ABI3BP: variants seen among roughly 807,000 people sequenced by gnomAD.
ABI3BP encodes the protein target of Nesh-SH3.
Under a neutral mutation model 268.6 loss-of-function variants are expected in ABI3BP, and 216 were observed. That is an observed-to-expected ratio of 0.80 (90% CI 0.72 to 0.90). The LOEUF (loss-of-function observed/expected upper bound fraction) is 0.90, where lower values mean the gene tolerates loss of function less well. Ranked by LOEUF, ABI3BP falls within the 40% of genes least tolerant of loss-of-function variation. ABI3BP has a pLI of 0.00. For synonymous variants in ABI3BP, 730 were observed against 730.0 expected, an observed-to-expected ratio of 1.00 and a Z score of 0.00; for missense variants, 2,090 against 2,182.4, an observed-to-expected ratio of 0.96 and a Z score of 0.84.
chr3:100,812,768 C>G (rs375854035), intron 45 of ABI3BP, among the ~76,000 whole-genome samples: 1 of 152,044 alleles, frequency 6.6e-6, no homozygotes, highest in East Asian at 1.9e-4. Context: ...AAAAGATACT[C>G]ATAAGAGATG....
intron 2 of ABI3BP, among the ~76,000 whole-genome samples, chr3:100,907,530 A>G (rs2053995935): frequency 6.6e-6 from 1 of 152,126 alleles, no homozygotes; most frequent in Admixed American, 6.5e-5. Flanking sequence ...CAACACAAGA[A>G]GTATGAATTA....
At chr3:100,988,752 T>G (rs983982603) in intron 1 of ABI3BP, among the ~76,000 whole-genome samples, 1 of 152,216 alleles carries the variant, frequency 6.6e-6, no homozygotes, top group South Asian at 2.1e-4. Context: ...CCAAGCTTTG[T>G]CTCCCCAGCC....
At chr3:100,912,046 T>G (rs1373345773) in intron 2 of ABI3BP, 42 of 746,290 alleles carry the variant, frequency 5.6e-5, no homozygotes, top group Non-Finnish European at 9.4e-5. Flanking sequence ...CATTTGGGAA[T>G]CAGTAATGCT....
intron 1 of ABI3BP, among the ~76,000 whole-genome samples, chr3:100,934,600 CA>C (rs1399273927): frequency 2.6e-5 from 4 of 152,198 alleles, no homozygotes. Flanking sequence ...CTCCCACCAA[CA>C]GTGTAAAAGT....
chr3:100,814,210 T>C (rs557596964), intron 44 of ABI3BP, among the ~76,000 whole-genome samples: 8 of 152,236 alleles, frequency 5.3e-5, no homozygotes, highest in African/African-American at 1.9e-4. Context: ...ATTCAAAATG[T>C]CCTTCTGAAA....
intron 8 of ABI3BP, 68 bp downstream of exon 8, chr3:100,875,440 G>A: frequency 5.7e-6 from 7 of 1,230,350 alleles, no homozygotes; most frequent in Non-Finnish European, 8.4e-6. Flanking sequence ...CAAAACTCCA[G>A]AAAAGCCCTA....
intron 34 of ABI3BP, among the ~76,000 whole-genome samples, chr3:100,826,143 C>T (rs1304271845): frequency 6.6e-6 from 1 of 152,148 alleles, no homozygotes; most frequent in Non-Finnish European, 1.5e-5. Flanking sequence ...ACATGAGCTG[C>T]ACACACAGAG....
intron 62 of ABI3BP, among the ~76,000 whole-genome samples, chr3:100,769,657 AT>A (rs1024210475): frequency 6.6e-6 from 1 of 152,196 alleles, no homozygotes; most frequent in Non-Finnish European, 1.5e-5. Context: ...AGTTTTAGAC[AT>A]TTTAATGGAT....
intron 33 of ABI3BP, among the ~76,000 whole-genome samples, chr3:100,829,295 C>A (rs911694287): frequency 6.6e-6 from 1 of 152,162 alleles, no homozygotes; most frequent in African/African-American, 2.4e-5. Context: ...CTATAGTTAA[C>A]AAGAAATAAT....
In ABI3BP at chr3:100,822,581, T is replaced by C. The variant is rs1195443718; in HGVS notation, c.2887+8A>G. On this transcript the variant is annotated splice_region_variant and intron_variant, in intron 38 of 67. Transcript: ENST00000471714. ...AGGGACTCTTTAAACCAGGAACACATAGTTTACCTGGTTTGGATTCAGGTG... is the reference window on the plus strand; with the variant it reads ...AGGGACTCTTTAAACCAGGAACACACAGTTTACCTGGTTTGGATTCAGGTG... The C allele has an allele frequency of 7.8e-6, 12 of 1,535,176 alleles. No individual in the cohort carries two copies. The Admixed American group carries it at 1.6e-4, about 20-fold the overall frequency.
At chr3:100,834,888 G>T in intron 28 of ABI3BP, 115 bp from the exon 29 acceptor site, 1 of 988,902 alleles carries the variant, frequency 1.0e-6, no homozygotes. Context: ...TTGTCTCTTT[G>T]GTTTAGAATT....
rs1314631138 is a variant in ABI3BP at position 100,765,891 on chromosome 3, T to C, written c.4800A>G (p.Gln1600=). ...CTGTGGAAAATGTCTGATTTGTCAT[T>C]TGAATGGACTTGTTCTTCCCACTGA... ...GSFSGKNKSI[Q]MTNQTFSTVE... is the part of the protein sequence containing the mutation. The change falls in exon 63 of 68, where the codon CAA becomes CAG. Residue 1600 remains glutamine (Q), a synonymous_variant. Transcript: ENST00000471714. 6.2e-7 allele frequency: 1 copy of C among 1,612,960 alleles called. No individual in the cohort carries two copies. The highest frequency in any genetic ancestry group is 1.7e-5 in the Admixed American group (1 of 59,948).
intron 27 of ABI3BP, among the ~76,000 whole-genome samples, chr3:100,836,670 A>G (rs781345631): frequency 6.6e-6 from 1 of 152,224 alleles, no homozygotes; most frequent in African/African-American, 2.4e-5. Context: ...ATCAATTTGC[A>G]TATGAATAAT....
intron 44 of ABI3BP, among the ~76,000 whole-genome samples, chr3:100,813,988 C>A (rs1578675754): frequency 6.6e-6 from 1 of 151,746 alleles, no homozygotes; most frequent in African/African-American, 2.4e-5. Context: ...TTTCATGACA[C>A]GTGAAAATGG....
At chr3:100,796,523 A>G in intron 51 of ABI3BP, 55 bp from the exon 52 acceptor site, 1 of 1,316,480 alleles carries the variant, frequency 7.6e-7, no homozygotes. Flanking sequence ...AACTGGAGTG[A>G]GCTTAACCCA....
chr3:100,870,034 T>C (rs1224319272), intron 9 of ABI3BP, among the ~76,000 whole-genome samples: 1 of 152,174 alleles, frequency 6.6e-6, no homozygotes, highest in Non-Finnish European at 1.5e-5. Flanking sequence ...TGATGCCCCG[T>C]TATGAGCTCT....
rs1265190351 is a variant in ABI3BP at position 100,792,706 on chromosome 3, C to T, written c.4009G>A (p.Ala1337Thr). Residue 1337 changes from alanine (A) to threonine (T), a missense_variant, in exon 55 of 68, where the codon GCA becomes ACA. Physicochemically the swap from Ala to Thr is moderately conservative, Grantham distance 58 (BLOSUM62 0). Coordinates refer to ENST00000471714, the MANE Select transcript of ABI3BP (RefSeq NM_001375547.2). ...AGAGGATTACCCTGAGTTGTCTTTG[C>T]TAGTTCAGTTGTTCGTGGAATCTTA... ...TTKIPRTTELAKTTQAPHRFY... is the reference protein window; with the variant it reads ...TTKIPRTTELTKTTQAPHRFY... 2 of 1,611,448 alleles carry T rather than the reference C, an allele frequency of 1.2e-6. No individual in the cohort carries two copies. Among genetic ancestry groups the T allele is most frequent in the Non-Finnish European group, 8.5e-7 (1 of 1,178,278 alleles).
intron 1 of ABI3BP, among the ~76,000 whole-genome samples, chr3:100,961,058 A>G (rs1034532994): frequency 3.3e-5 from 5 of 152,238 alleles, no homozygotes; most frequent in African/African-American, 1.2e-4. Context: ...CATGGCTGCA[A>G]TAGAAAACTA....
intron 62 of ABI3BP, among the ~76,000 whole-genome samples, chr3:100,768,545 T>C (rs992732969): frequency 3.3e-5 from 5 of 152,212 alleles, no homozygotes; most frequent in Non-Finnish European, 5.9e-5. Flanking sequence ...TAAATATATA[T>C]TTCCCATTTT....
Sources: gnomAD v4.1 joint callset for allele counts (sites outside exome capture counted in the v4.1 genomes callset) on GRCh38, gnomAD v4.1.1 for gene constraint, MANE v1.5 for transcripts, NCBI Gene and HGNC (gene_info 2026-07-23, HGNC 2026-07-21) for gene names.